The following C1orf21 variants were observed in gnomAD, a reference collection of about 807,000 sequenced individuals.
The protein encoded by C1orf21 is chromosome 1 open reading frame 21, also known as uncharacterized protein C1orf21.
Under a neutral mutation model 18.7 loss-of-function variants are expected in C1orf21, and 3 were observed. That is an observed-to-expected ratio of 0.16 (90% CI 0.07 to 0.42). The LOEUF (loss-of-function observed/expected upper bound fraction) is 0.42, where lower values mean the gene tolerates loss of function less well. Among genes scored for constraint, C1orf21 ranks in the 10% least tolerant of loss-of-function variants. The probability of loss-of-function intolerance (pLI) is 0.99; values close to 1 mark genes in which losing one functional copy is unlikely to be tolerated. For synonymous variants in C1orf21, 41 were observed against 46.4 expected, an observed-to-expected ratio of 0.88 and a Z score of 0.47; for missense variants, 104 against 143.6, an observed-to-expected ratio of 0.72 and a Z score of 1.41.
chr1:184,521,344 G>A (rs2101969302), intron 3 of C1orf21, among the ~76,000 whole-genome samples: 2 of 152,252 alleles, frequency 1.3e-5, no homozygotes, highest in Admixed American at 1.3e-4. Flanking sequence ...GTTGGTAACA[G>A]CTTTATTCAT....
intron 3 of C1orf21, among the ~76,000 whole-genome samples, chr1:184,575,906 T>C (rs1214509618): frequency 6.6e-6 from 1 of 151,918 alleles, no homozygotes; most frequent in Non-Finnish European, 1.5e-5. Context: ...CTCTTGCCTG[T>C]TGGGCCACAG....
chr1:184,433,180 G>A (rs1454727392), intron 1 of C1orf21, among the ~76,000 whole-genome samples: 1 of 152,168 alleles, frequency 6.6e-6, no homozygotes, highest in African/African-American at 2.4e-5. Flanking sequence ...GGGATGTGGT[G>A]GGGTGTGTGT....
chr1:184,575,794 T>G (rs1398845724), intron 3 of C1orf21, among the ~76,000 whole-genome samples: 3 of 151,874 alleles, frequency 2.0e-5, no homozygotes, highest in Non-Finnish European at 2.9e-5. Context: ...TGACCCCTGC[T>G]AAGAGACCCC....
At chr1:184,598,341 TGAGGGG>T in intron 4 of C1orf21, 54 bp from the exon 5 acceptor site, 1 of 1,518,572 alleles carries the variant, frequency 6.6e-7, no homozygotes, top group South Asian at 1.2e-5. Flanking sequence ...ATTTTTCCTT[TGAGGGG>T]ACCAGGTTTA....
chr1:184,391,516 C>T (rs1371548758), intron 1 of C1orf21, among the ~76,000 whole-genome samples: 1 of 152,084 alleles, frequency 6.6e-6, no homozygotes, highest in Admixed American at 6.6e-5. Flanking sequence ...TGGAATTTAC[C>T]TAATTAGTTA....
chr1:184,406,206 ACTC>A (rs1656246799), intron 1 of C1orf21, among the ~76,000 whole-genome samples: 1 of 152,158 alleles, frequency 6.6e-6, no homozygotes, highest in Non-Finnish European at 1.5e-5. Flanking sequence ...AATAAAATAA[ACTC>A]CTGTGATTAG....
At position 184,426,255 on chromosome 1, in the gene C1orf21, T is replaced by C. The variant is rs61823541; in HGVS notation, c.-125+38887T>C. 5.3e-3 allele frequency among the ~76,000 whole-genome samples: 803 copies of C among 152,350 alleles called. 5 individuals carry two copies. The highest frequency in any genetic ancestry group is 7.5e-3 in the Non-Finnish European group (513 of 68,026). ...GATTACTGAGAAGTCTCCTAACTGG[T>C]GGTCTTCTACTTTCATGATCAGTTC... On this transcript the variant is annotated intron_variant, in intron 1 of 5. Transcript: ENST00000235307.
chr1:184,489,098 A>T (rs563063629), intron 2 of C1orf21, among the ~76,000 whole-genome samples: 15 of 152,354 alleles, frequency 9.8e-5, no homozygotes, highest in African/African-American at 3.4e-4. Context: ...TTTGTGATAA[A>T]CTGTGATTAT....
At chr1:184,604,138 A>G (rs1008265884) in intron 5 of C1orf21, among the ~76,000 whole-genome samples, 3 of 152,244 alleles carry the variant, frequency 2.0e-5, no homozygotes, top group African/African-American at 2.4e-5. Context: ...TCTGTAGTCT[A>G]TTAAACCTCA....
intron 1 of C1orf21, among the ~76,000 whole-genome samples, chr1:184,449,222 C>T (rs955654859): frequency 6.6e-6 from 1 of 150,596 alleles, no homozygotes; most frequent in Admixed American, 6.6e-5. Context: ...ACAACAGGCC[C>T]CGGTGTGTGA....
chr1:184,549,072 A>T (rs1478404265), intron 3 of C1orf21, among the ~76,000 whole-genome samples: 1 of 152,138 alleles, frequency 6.6e-6, no homozygotes. Context: ...TTCTGAGAAG[A>T]GGTATATAGG....
chr1:184,580,916 C>T (rs1356211991), intron 3 of C1orf21, among the ~76,000 whole-genome samples: 1 of 152,030 alleles, frequency 6.6e-6, no homozygotes, highest in Non-Finnish European at 1.5e-5. Context: ...TTTGAAAACT[C>T]CCTATGTATT....
chr1:184,407,035 A>G lies in C1orf21; in HGVS notation c.-125+19667A>G, dbSNP rs889941027. 3.3e-5 allele frequency among the ~76,000 whole-genome samples: 5 copies of G among 152,198 alleles called. No individual in the cohort carries two copies. In the South Asian group the frequency reaches 8.3e-4, roughly 25 times the overall value. ...CAAACTGGAATACAGTGGCTCAATC[A>G]TAGTAGCTTACTGCAGCCTCAGGCT... On this transcript the variant is annotated intron_variant, in intron 1 of 5. Transcript: ENST00000235307.
intron 2 of C1orf21, among the ~76,000 whole-genome samples, chr1:184,490,983 G>A (rs1223034214): frequency 6.6e-6 from 1 of 151,806 alleles, no homozygotes; most frequent in Non-Finnish European, 1.5e-5. Flanking sequence ...GAAAGAACTT[G>A]TGGAGCAAGG....
chr1:184,572,821 A>C (rs926616901), intron 3 of C1orf21, among the ~76,000 whole-genome samples: 1 of 152,044 alleles, frequency 6.6e-6, no homozygotes, highest in East Asian at 1.9e-4. Context: ...GCATGGTGGC[A>C]TGCACCTGTA....
At chr1:184,492,757 A>T (rs1657834189) in intron 2 of C1orf21, among the ~76,000 whole-genome samples, 1 of 152,180 alleles carries the variant, frequency 6.6e-6, no homozygotes, top group Admixed American at 6.5e-5. Flanking sequence ...TAGTCAGTGA[A>T]GGATTCCATT....
chr1:184,472,292 T>A (rs947425040), intron 1 of C1orf21, among the ~76,000 whole-genome samples: 2 of 152,196 alleles, frequency 1.3e-5, no homozygotes, highest in Non-Finnish European at 2.9e-5. Context: ...AATGTGGCTG[T>A]ATCCTTTGCT....
chr1:184,502,392 T>TA (rs750228386), intron 2 of C1orf21, among the ~76,000 whole-genome samples: 47 of 152,124 alleles, frequency 3.1e-4, no homozygotes, highest in Admixed American at 9.8e-4. Flanking sequence ...CACCTCTCAA[T>TA]ACCACCGTCA....
chr1:184,582,998 C>T (rs1318364253), intron 3 of C1orf21, among the ~76,000 whole-genome samples: 1 of 152,114 alleles, frequency 6.6e-6, no homozygotes, highest in Non-Finnish European at 1.5e-5. Context: ...GTCACCATGC[C>T]TGGCTAAATT....
Sources: allele counts gnomAD v4.1 joint callset (sites outside exome capture counted in the v4.1 genomes callset), GRCh38; gene constraint gnomAD v4.1.1; transcripts MANE v1.5; gene names NCBI Gene and HGNC (gene_info 2026-07-23, HGNC 2026-07-21).